Variants in PCDHGB3 observed in about 807,000 individuals in gnomAD.
PCDHGB3 encodes protocadherin gamma-B3.
Under a neutral mutation model 59.2 loss-of-function variants are expected in PCDHGB3, and 40 were observed. The observed-to-expected ratio is 0.68, with a 90% CI of 0.52 to 0.88. PCDHGB3 has a LOEUF of 0.88. PCDHGB3 is among the 40% of genes least tolerant of loss of function. PCDHGB3 has a pLI of 0.00. For missense variants in PCDHGB3, 1,309 were observed against 1,187.9 expected (o/e 1.10, Z -1.50); for synonymous variants, 581 against 503.6 (o/e 1.15, Z -2.06).
chr5:141,374,273 G>A, intron 1 of PCDHGB3: 1 of 1,614,012 alleles, frequency 6.2e-7, no homozygotes, highest in South Asian at 1.1e-5. Flanking sequence ...GGAGCACGGA[G>A]TCCGCATCGT....
chr5:141,461,864 C>T (rs911351082), intron 1 of PCDHGB3, among the ~76,000 whole-genome samples: 5 of 151,900 alleles, frequency 3.3e-5, no homozygotes, highest in African/African-American at 9.7e-5. Context: ...GCTCTTGTTG[C>T]CCAGGCTGGA....
At chr5:141,492,241 C>G (rs1351937353) in intron 1 of PCDHGB3, among the ~76,000 whole-genome samples, 2 of 152,186 alleles carry the variant, frequency 1.3e-5, no homozygotes, top group East Asian at 3.9e-4. Context: ...TGCTGGCCAC[C>G]CCCACGGCCC....
chr5:141,384,035 A>G (rs774600484), intron 1 of PCDHGB3: 2 of 1,613,378 alleles, frequency 1.2e-6, no homozygotes, highest in Non-Finnish European at 1.7e-6. Context: ...TCTGGAAAGA[A>G]TGGTGAGGTG....
In PCDHGB3 at chr5:141,477,510, A is replaced by G; in HGVS notation, c.2416-17297A>G. On this transcript the variant is annotated intron_variant, in intron 1 of 3. Transcript: ENST00000576222. This position sits in a 1 kb window ranked among gnomAD's most constrained non-coding sequence, Gnocchi z 4.9. ...TCTTCTCAATCTTCCTACGACGTTT[A>G]CATTGAAGAAAACAACCTCCCCGGG... is the stretch of plus-strand genomic sequence containing the variant. 3 of 1,614,172 alleles carry G rather than the reference A, an allele frequency of 1.9e-6. No homozygotes were observed. Among genetic ancestry groups the G allele is most frequent in the Non-Finnish European group, 2.5e-6 (3 of 1,180,018 alleles).
At chr5:141,507,798 GCCCT>G (rs2099863561) in intron 3 of PCDHGB3, among the ~76,000 whole-genome samples, 1 of 152,188 alleles carries the variant, frequency 6.6e-6, no homozygotes, top group Admixed American at 6.5e-5. Context: ...CTAAGCCTGC[GCCCT>G]GGGGAACGGA....
chr5:141,407,982 G>A (rs976187867), intron 1 of PCDHGB3: 3 of 782,892 alleles, frequency 3.8e-6, no homozygotes, highest in Non-Finnish European at 5.7e-6. Context: ...CCGGGGATCC[G>A]TCAGCCTCTG....
intron 1 of PCDHGB3, chr5:141,426,648 A>G (rs1224402025): frequency 2.4e-6 from 1 of 418,088 alleles, no homozygotes; most frequent in Non-Finnish European, 4.9e-6. Flanking sequence ...AAATGTGATG[A>G]TAGAAGATAT....
intron 1 of PCDHGB3, among the ~76,000 whole-genome samples, chr5:141,457,387 T>A (rs530736201): frequency 2.0e-5 from 3 of 152,340 alleles, no homozygotes; most frequent in Non-Finnish European, 2.9e-5. Context: ...AGAACTAGCA[T>A]ATTGATTCAC....
At chr5:141,385,055 G>A (rs773905363) in intron 1 of PCDHGB3, 3 of 1,614,182 alleles carry the variant, frequency 1.9e-6, no homozygotes, top group South Asian at 1.1e-5. Context: ...CTGCGGCGCT[G>A]GCACAAGTCA....
intron 1 of PCDHGB3, chr5:141,478,852 A>G (rs2099480601): frequency 7.3e-7 from 1 of 1,367,502 alleles, no homozygotes; most frequent in African/African-American, 1.5e-5. Flanking sequence ...GCTAAAACAC[A>G]AGATCTCAGC....
Position 141,485,208 on chromosome 5 carries a change from G to T in PCDHGB3, c.2416-9599G>T, listed in dbSNP as rs2099609377. On this transcript the variant is annotated intron_variant, in intron 1 of 3. Coordinates refer to ENST00000576222, the MANE Select transcript of PCDHGB3 (RefSeq NM_018924.5). This position sits in a 1 kb window ranked among gnomAD's most constrained non-coding sequence, Gnocchi z 5.7. ...AAGGTGAGAAGCTGGACAGAAATCT[G>T]GCGGTGGGCTACCCTTTTGTTCCTC... The T allele has an allele frequency of 6.2e-7, 1 of 1,613,998 alleles. No homozygotes were observed. The highest frequency in any genetic ancestry group is 1.3e-5 in the African/African-American group (1 of 74,930).
chr5:141,509,086 A>T lies in PCDHGB3; in HGVS notation c.2564-1861A>T, dbSNP rs147084289. On this transcript the variant is annotated intron_variant, in intron 3 of 3. Coordinates refer to ENST00000576222, the MANE Select transcript of PCDHGB3 (RefSeq NM_018924.5). ...CAGCTCCGGGGATTTGCGACATGAAATGGGGGCTGTAGAAACCTGAGCGCT... is the reference window on the plus strand; with the variant it reads ...CAGCTCCGGGGATTTGCGACATGAATTGGGGGCTGTAGAAACCTGAGCGCT... 8.3e-3 allele frequency among the ~76,000 whole-genome samples: 1,261 copies of T among 152,228 alleles called. 7 individuals are homozygous for T. Among genetic ancestry groups the T allele is most frequent in the Middle Eastern group, 0.037 (11 of 294 alleles).
intron 1 of PCDHGB3, among the ~76,000 whole-genome samples, chr5:141,450,776 C>T (rs757791026): frequency 4.0e-5 from 6 of 151,440 alleles, no homozygotes; most frequent in Non-Finnish European, 8.8e-5. Context: ...CATGAGCCAC[C>T]GTGCCCGGAC....
chr5:141,382,666 G>A (rs910632221), intron 1 of PCDHGB3: 20 of 422,596 alleles, frequency 4.7e-5, no homozygotes, highest in African/African-American at 3.6e-4. Flanking sequence ...TCACAGCGCC[G>A]CTGTTCACCA....
chr5:141,371,170 C>T lies in PCDHGB3; in HGVS notation c.776C>T (p.Ser259Phe), dbSNP rs1228264781. 7 of 1,613,892 alleles carry T rather than the reference C, an allele frequency of 4.3e-6. No homozygotes were observed. The Admixed American group carries it at 1.0e-4, about 23-fold the overall frequency. Residue 259 changes from serine to phenylalanine, a missense_variant, in exon 1 of 4, where the codon TCC becomes TTC. Physicochemically the swap from Ser to Phe is radical, Grantham distance 155 (BLOSUM62 -2). Coordinates refer to ENST00000576222, the MANE Select transcript of PCDHGB3 (RefSeq NM_018924.5). ...VNVAENLPAGSSVLKVMAIDM... is the reference protein window; with the variant it reads ...VNVAENLPAGFSVLKVMAIDM... Reference sequence around the variant, plus strand: ...GTTGCAGAGAACCTGCCCGCTGGCTCCTCCGTATTAAAAGTGATGGCCATT... The same window carrying T: ...GTTGCAGAGAACCTGCCCGCTGGCTTCTCCGTATTAAAAGTGATGGCCATT...
chr5:141,492,007 C>A, intron 1 of PCDHGB3: 1 of 629,072 alleles, frequency 1.6e-6, no homozygotes, highest in Non-Finnish European at 2.6e-6. Flanking sequence ...GCGATTTCCG[C>A]GGGTGTCGGG....
Position 141,477,918 on chromosome 5 carries a change from G to A in PCDHGB3, c.2416-16889G>A. 1 of 1,614,154 alleles carries A rather than the reference G, an allele frequency of 6.2e-7. No individual in the cohort carries two copies. Among genetic ancestry groups the A allele is most frequent in the Admixed American group, 1.7e-5 (1 of 60,026 alleles). ...GTGGTAGGCTGGGACGCGGATGCAG[G>A]GCACAATGCCTGGCTCTCCTACAGT... is the stretch of plus-strand genomic sequence containing the variant. On this transcript the variant is annotated intron_variant, in intron 1 of 3. Coordinates refer to ENST00000576222, the MANE Select transcript of PCDHGB3 (RefSeq NM_018924.5). The surrounding 1 kb of genome is among the most constrained non-coding windows in gnomAD (Gnocchi z 4.9).
In PCDHGB3 at chr5:141,390,225, G is replaced by A. The variant is rs886390636; in HGVS notation, c.2415+17416G>A. 25 of 1,613,922 alleles carry A rather than the reference G, an allele frequency of 1.5e-5. No individual in the cohort carries two copies. Among genetic ancestry groups the A allele is most frequent in the Non-Finnish European group, 1.9e-5 (23 of 1,179,908 alleles). On this transcript the variant is annotated intron_variant, in intron 1 of 3. Transcript: ENST00000576222. Reference sequence around the variant, plus strand: ...TTCAGGACAAGACATACTTTGCGGTGATTCATCTGGGGCCTTATTTCCACT... The same window carrying A: ...TTCAGGACAAGACATACTTTGCGGTAATTCATCTGGGGCCTTATTTCCACT...
rs763743728 is a variant in PCDHGB3, at chr5:141,398,890, G to C, written c.2415+26081G>C. On this transcript the variant is annotated intron_variant, in intron 1 of 3. Coordinates refer to ENST00000576222, the MANE Select transcript of PCDHGB3 (RefSeq NM_018924.5). ...GTACAGAGTCAGCCTTCGGGAAAAC[G>C]TGCCACCAGGCACCACTGTGTTGCA... is the stretch of plus-strand genomic sequence containing the variant. 2.5e-6 allele frequency: 4 copies of C among 1,613,920 alleles called. No homozygotes were observed. The South Asian group carries it at 3.3e-5, about 13-fold the overall frequency.
Sources: gnomAD v4.1 joint callset for allele counts (sites outside exome capture counted in the v4.1 genomes callset) on GRCh38, gnomAD v4.1.1 for gene constraint, Gnocchi (gnomAD v3.1) non-coding constraint, MANE v1.5 for transcripts, NCBI Gene and HGNC (gene_info 2026-07-23, HGNC 2026-07-21) for gene names.